DNAH17: variants seen among roughly 807,000 people sequenced by gnomAD.
The protein encoded by DNAH17 is dynein axonemal heavy chain 17.
Under a neutral mutation model 485.6 loss-of-function variants are expected in DNAH17, and 376 were observed. That is an observed-to-expected ratio of 0.77 (90% confidence interval 0.71 to 0.84). The LOEUF is 0.84. Ranked by LOEUF, DNAH17 falls within the 40% of genes least tolerant of loss-of-function variation. The pLI, the probability that DNAH17 is intolerant of heterozygous loss-of-function variation, is 0.00. For missense variants in DNAH17, 6,370 were observed against 5,839.3 expected, an observed-to-expected ratio of 1.09 and a Z score of -2.96; for synonymous variants, 3,031 against 2,405.9, an observed-to-expected ratio of 1.26 and a Z score of -7.60.
chr17:78,431,374 C>T (rs957480440), intron 75 of DNAH17, among the ~76,000 whole-genome samples: 2 of 151,970 alleles, frequency 1.3e-5, no homozygotes, highest in South Asian at 2.1e-4. Context: ...TGGCCCCACA[C>T]GCTCCTCAGG....
At chr17:78,476,871 G>C (rs2089053384) in intron 51 of DNAH17, 138 bp from the exon 52 acceptor site, 1 of 1,077,914 alleles carries the variant, frequency 9.3e-7, no homozygotes, top group African/African-American at 1.6e-5. Flanking sequence ...CATTCACTTG[G>C]GGCCAGGGAA....
intron 75 of DNAH17, among the ~76,000 whole-genome samples, chr17:78,430,153 T>C (rs1001652952): frequency 2.0e-5 from 3 of 152,198 alleles, no homozygotes; most frequent in African/African-American, 7.2e-5. Context: ...GCCAGGCCCT[T>C]GTTCTTCCCG....
At chr17:78,479,653 A>G in intron 49 of DNAH17, 21 bp from the exon 50 acceptor site, 12 of 1,610,304 alleles carry the variant, frequency 7.5e-6, no homozygotes, top group Non-Finnish European at 1.0e-5. Context: ...ACAACCAAAC[A>G]CTCCAGTCAG....
At chr17:78,424,202 G>T (rs1287034802) in intron 80 of DNAH17, 49 bp from the exon 81 acceptor site, 2 of 1,563,622 alleles carry the variant, frequency 1.3e-6, no homozygotes, top group East Asian at 2.3e-5. Flanking sequence ...AGTAAGTGAG[G>T]GAGGGGCTGG....
intron 52 of DNAH17, among the ~76,000 whole-genome samples, chr17:78,476,221 G>A (rs150194151): frequency 9.3e-4 from 120 of 128,796 alleles, no homozygotes; most frequent in East Asian, 7.2e-3. Flanking sequence ...GCCACGTGCC[G>A]GAGTTATCGC....
chr17:78,484,739 A>ACCCCCCCGGCGCCCCCCCC, intron 48 of DNAH17, 129 bp downstream of exon 48: 1 of 347,798 alleles, frequency 2.9e-6, no homozygotes, highest in Non-Finnish European at 4.6e-6. Context: ...ACGTTGCAGC[A>ACCCCCCCGGCGCCCCCCCC]CCCCCCCCAC....
intron 69 of DNAH17, 63 bp downstream of exon 69, chr17:78,449,350 TC>T: frequency 6.7e-7 from 1 of 1,491,206 alleles, no homozygotes; most frequent in Non-Finnish European, 9.1e-7. Context: ...TCCACAAAGC[TC>T]CCAGGGGTCA....
chr17:78,567,170 G>C lies in DNAH17; in HGVS notation c.1285-4C>G. The C allele has an allele frequency of 6.3e-7, 1 of 1,591,902 alleles. No homozygotes were observed. The highest frequency in any genetic ancestry group is 8.6e-7 in the Non-Finnish European group (1 of 1,169,002). On this transcript the variant is annotated splice_region_variant and splice_polypyrimidine_tract_variant and intron_variant, in intron 9 of 80. Transcript: ENST00000389840. ...CAATTGCTGTTTTATAGAGTTCCTA[G>C]TGGAGGAGAAAAACACAGTCAATTC...
At chr17:78,529,814 C>T (rs1245621680) in intron 21 of DNAH17, 120 bp from the exon 22 acceptor site, 1 of 1,041,314 alleles carries the variant, frequency 9.6e-7, no homozygotes, top group African/African-American at 1.6e-5. Context: ...ACTGAAGGCC[C>T]CAGGTGGGGA....
chr17:78,520,009 G>T (rs531275956), intron 25 of DNAH17, among the ~76,000 whole-genome samples: 2 of 152,230 alleles, frequency 1.3e-5, no homozygotes, highest in South Asian at 4.1e-4. Context: ...TACTCAGGAG[G>T]CTGAGGTGGG....
intron 24 of DNAH17, among the ~76,000 whole-genome samples, chr17:78,526,008 G>C (rs993675946): frequency 6.6e-6 from 1 of 152,246 alleles, no homozygotes; most frequent in African/African-American, 2.4e-5. Context: ...CCTGGGCACC[G>C]TACTGGGAGC....
At chr17:78,549,082 G>A (rs1169716422) in intron 16 of DNAH17, among the ~76,000 whole-genome samples, 3 of 152,190 alleles carry the variant, frequency 2.0e-5, no homozygotes, top group Admixed American at 1.3e-4. Flanking sequence ...GCCCCTATTG[G>A]GTGAGTGTTA....
intron 75 of DNAH17, among the ~76,000 whole-genome samples, chr17:78,433,766 C>T (rs691061): frequency 0.14 from 21,559 of 152,018 alleles, 1,680 homozygotes; most frequent in Middle Eastern, 0.19. Context: ...GTCCAAAAGC[C>T]GGCTCCTGCA....
chr17:78,570,586 G>A (rs1056455069), intron 6 of DNAH17, among the ~76,000 whole-genome samples: 11 of 152,168 alleles, frequency 7.2e-5, no homozygotes, highest in South Asian at 2.1e-4. Context: ...CAGGCCGGGC[G>A]TGGTGGCTCA....
chr17:78,458,605 C>G lies in DNAH17; in HGVS notation c.9937G>C (p.Glu3313Gln), dbSNP rs371731159. The stretch of plus-strand genomic sequence containing the variant: ...ATCACCCTGTTCGTGGCATCGGCCT[C>G]TTGCTGACACTTGATTTTCTCAGCT... ...ATAEKIKCQQ[E>Q]ADATNRVILL... The change falls in exon 62 of 81, where the codon GAG (glutamate) becomes CAG (glutamine). Residue 3313 changes from glutamate (E) to glutamine (Q), a missense_variant. Glu to Gln is a conservative substitution (Grantham distance 29, BLOSUM62 2). Transcript: ENST00000389840. 63 of 1,613,898 alleles carry G rather than the reference C, an allele frequency of 3.9e-5. No homozygotes were observed. The African/African-American group carries it at 6.8e-4, about 17-fold the overall frequency.
At position 78,574,788 on chromosome 17, in the gene DNAH17, G is replaced by A; in HGVS notation, c.270C>T (p.Asp90=). 2 of 1,614,010 alleles carry A rather than the reference G, an allele frequency of 1.2e-6. No homozygotes were observed. Among genetic ancestry groups the A allele is most frequent in the Non-Finnish European group, 1.7e-6 (2 of 1,179,890 alleles). ...IKTKSENINK[D]NYRARLLYGD... is the part of the protein sequence containing the mutation. ...CGTAAAGGAGCCGGGCCCTGTAGTT[G>A]TCCTTGTTGATGTTCTCGGACTTTG... Residue 90 remains aspartate (D), a synonymous_variant, in exon 2 of 81, where the codon GAC becomes GAT. Coordinates refer to ENST00000389840, the MANE Select transcript of DNAH17 (RefSeq NM_173628.4).
At chr17:78,452,495 G>A (rs2090564437) in intron 65 of DNAH17, among the ~76,000 whole-genome samples, 1 of 152,034 alleles carries the variant, frequency 6.6e-6, no homozygotes, top group Admixed American at 6.6e-5. Context: ...CCCAGCACTT[G>A]GGGAGGCCGA....
chr17:78,530,882 C>T (rs951216353), intron 20 of DNAH17, among the ~76,000 whole-genome samples: 2 of 152,180 alleles, frequency 1.3e-5, no homozygotes, highest in African/African-American at 2.4e-5. Context: ...CCTCCTGCTG[C>T]CCCAACCCTG....
rs892071849 is a variant in DNAH17 at position 78,441,264 on chromosome 17, G to A, written c.11529-65C>T. 14 of 1,583,350 alleles carry A rather than the reference G, an allele frequency of 8.8e-6. No homozygotes were observed. The African/African-American group carries it at 1.6e-4, about 18-fold the overall frequency. On this transcript the variant is annotated intron_variant, in intron 71 of 80. Transcript: ENST00000389840. The stretch of plus-strand genomic sequence containing the variant: ...TCTGGGCCAGGGCGGGGCGCTCGGG[G>A]TGGGCTGTGGCCCAGGCAGGGGGGC...
Sources: gnomAD v4.1 joint callset for allele counts (sites outside exome capture counted in the v4.1 genomes callset) on GRCh38, gnomAD v4.1.1 for gene constraint, MANE v1.5 for transcripts, NCBI Gene and HGNC (gene_info 2026-07-23, HGNC 2026-07-21) for gene names.